Variants in MYPN observed in about 807,000 individuals in gnomAD.
MYPN encodes the protein sarcomeric protein myopalladin, 145 kDa (MYOP).
Under a neutral mutation model 129.4 loss-of-function variants are expected in MYPN, and 63 were observed. That is an observed-to-expected ratio of 0.49 (90% CI 0.40 to 0.60). MYPN has a LOEUF of 0.60. Ranked by LOEUF, MYPN falls within the 20% of genes least tolerant of loss-of-function variation. The pLI is 0.00. For synonymous variants in MYPN, 629 were observed against 600.9 expected (o/e 1.05, Z -0.68); for missense variants, 1,596 against 1,635.4 (o/e 0.98, Z 0.42).
At chr10:68,149,632 A>G (rs1179436430) in intron 5 of MYPN, among the ~76,000 whole-genome samples, 1 of 152,114 alleles carries the variant, frequency 6.6e-6, no homozygotes. Context: ...CAATGTATTT[A>G]AATATATTTA....
intron 1 of MYPN, among the ~76,000 whole-genome samples, chr10:68,089,511 T>C (rs1444649785): frequency 6.6e-6 from 1 of 151,806 alleles, no homozygotes; most frequent in African/African-American, 2.4e-5. Flanking sequence ...CCGGCTAATT[T>C]TGTTTTTGTA....
chr10:68,174,494 T>G lies in MYPN; in HGVS notation c.2402T>G (p.Ile801Ser), dbSNP rs2043195163. ...ACACCACCACCATTCACATTTTCCA[T>G]CCCCAGCGGAAACCAGTTTCAGCCC... ...EPTPPPFTFSIPSGNQFQPRC... is the reference protein window; with the variant it reads ...EPTPPPFTFSSPSGNQFQPRC... The change falls in exon 11 of 20, where the codon ATC becomes AGC. Residue 801 changes from isoleucine (I) to serine (S), a missense_variant. Transcript: ENST00000358913. The G allele has an allele frequency of 6.2e-7, 1 of 1,613,950 alleles. No individual in the cohort carries two copies. Among genetic ancestry groups the G allele is most frequent in the Non-Finnish European group, 8.5e-7 (1 of 1,179,928 alleles).
At chr10:68,141,579 G>A (rs1307249302) in intron 2 of MYPN, among the ~76,000 whole-genome samples, 1 of 152,086 alleles carries the variant, frequency 6.6e-6, no homozygotes, top group Non-Finnish European at 1.5e-5. Flanking sequence ...ATGTAAAAGG[G>A]TACACTGAGC....
chr10:68,119,767 A>G (rs2042215509), intron 1 of MYPN, among the ~76,000 whole-genome samples: 2 of 152,206 alleles, frequency 1.3e-5, no homozygotes, highest in Non-Finnish European at 2.9e-5. Context: ...TCATCCAAAT[A>G]AGTAGCTCTA....
At chr10:68,092,600 A>T (rs1564635664) in intron 1 of MYPN, among the ~76,000 whole-genome samples, 2 of 152,090 alleles carry the variant, frequency 1.3e-5, no homozygotes, top group African/African-American at 4.8e-5. Flanking sequence ...GTTCTTAAGG[A>T]TCGTCAAATT....
intron 8 of MYPN, among the ~76,000 whole-genome samples, chr10:68,163,667 T>C (rs2043012581): frequency 6.6e-6 from 1 of 152,038 alleles, no homozygotes; most frequent in Non-Finnish European, 1.5e-5. Context: ...AGAAATCCTG[T>C]CTATAGCAAC....
At chr10:68,178,975 T>TTTA (rs1393897512) in intron 12 of MYPN, among the ~76,000 whole-genome samples, 8 of 151,982 alleles carry the variant, frequency 5.3e-5, no homozygotes, top group Non-Finnish European at 1.0e-4. Context: ...CCCCCTGCTT[T>TTTA]TTATTATTAT....
intron 2 of MYPN, among the ~76,000 whole-genome samples, chr10:68,134,567 C>T (rs1057308851): frequency 1.3e-5 from 2 of 152,106 alleles, no homozygotes; most frequent in African/African-American, 4.8e-5. Flanking sequence ...GAGGCTGAGG[C>T]GGGTGGATCA....
chr10:68,186,200 A>T (rs2043418879), intron 12 of MYPN, among the ~76,000 whole-genome samples: 1 of 152,124 alleles, frequency 6.6e-6, no homozygotes, highest in African/African-American at 2.4e-5. Context: ...CACTTTTTCC[A>T]CCCTATAAGA....
rs148579176 is a variant in MYPN at position 68,159,826 on chromosome 10, T to A, written c.1459+1199T>A. On this transcript the variant is annotated intron_variant, in intron 7 of 19. Transcript: ENST00000358913. ...TTAGTTTTTCCATAATGAACATATATAACTTTTATTTTTTATTTTTTACAT... is the reference window on the plus strand; with the variant it reads ...TTAGTTTTTCCATAATGAACATATAAAACTTTTATTTTTTATTTTTTACAT... 2.4e-3 allele frequency among the ~76,000 whole-genome samples: 364 copies of A among 152,338 alleles called. 4 individuals carry two copies. The highest frequency in any genetic ancestry group is 8.5e-3 in the African/African-American group (352 of 41,564).
upstream of MYPN, among the ~76,000 whole-genome samples, chr10:68,101,805 C>T (rs901021056): frequency 1.3e-5 from 2 of 151,750 alleles, no homozygotes; most frequent in Non-Finnish European, 2.9e-5. Flanking sequence ...TGTTTCTGTT[C>T]CTGATTTCAA....
upstream of MYPN, among the ~76,000 whole-genome samples, chr10:68,105,564 A>C (rs1301896167): frequency 1.3e-5 from 2 of 152,238 alleles, no homozygotes; most frequent in Non-Finnish European, 2.9e-5. Flanking sequence ...CTTCTTGGAA[A>C]TAATACTTTT....
At chr10:68,102,375 G>A (rs1166668376), upstream of MYPN, among the ~76,000 whole-genome samples, 1 of 151,878 alleles carries the variant, frequency 6.6e-6, no homozygotes, top group South Asian at 2.1e-4. Context: ...GTCATCCACC[G>A]CCTCAGCTTC....
intron 1 of MYPN, among the ~76,000 whole-genome samples, chr10:68,111,428 A>T (rs2133964156): frequency 6.6e-6 from 1 of 152,046 alleles, no homozygotes; most frequent in East Asian, 2.0e-4. Context: ...TTTGACAAAG[A>T]TGTTGCTGGT....
At chr10:68,141,021 C>A (rs2042568251) in intron 2 of MYPN, among the ~76,000 whole-genome samples, 1 of 151,936 alleles carries the variant, frequency 6.6e-6, no homozygotes, top group Non-Finnish European at 1.5e-5. Flanking sequence ...TGGAGTGAAC[C>A]ATGATCATGC....
chr10:68,162,862 C>T (rs896751864), intron 8 of MYPN, among the ~76,000 whole-genome samples: 31 of 151,978 alleles, frequency 2.0e-4, no homozygotes, highest in African/African-American at 7.3e-4. Context: ...GCGGAGATCA[C>T]TGGTTGGTTA....
chr10:68,145,442 T>G lies in MYPN; in HGVS notation c.1079-33T>G, dbSNP rs768743133. On this transcript the variant is annotated intron_variant, in intron 3 of 19. Coordinates refer to ENST00000358913, the MANE Select transcript of MYPN (RefSeq NM_032578.4). Reference sequence around the variant, plus strand: ...GAACCAATTTAAGAAATTGTCATCTTAACAATCTTATGTCTTGTTTTTATT... The same window carrying G: ...GAACCAATTTAAGAAATTGTCATCTGAACAATCTTATGTCTTGTTTTTATT... 7.6e-6 allele frequency: 12 copies of G among 1,583,942 alleles called. No homozygotes were observed. The South Asian group carries it at 1.0e-4, about 13-fold the overall frequency.
At chr10:68,154,358 G>A (rs1389515811) in intron 6 of MYPN, among the ~76,000 whole-genome samples, 1 of 152,210 alleles carries the variant, frequency 6.6e-6, no homozygotes, top group Non-Finnish European at 1.5e-5. Flanking sequence ...TGCTTCAGCA[G>A]TAATTTGAAG....
At chr10:68,140,668 T>C (rs573967055) in intron 2 of MYPN, among the ~76,000 whole-genome samples, 2 of 152,254 alleles carry the variant, frequency 1.3e-5, no homozygotes, top group East Asian at 3.9e-4. Flanking sequence ...AGAAAAAACA[T>C]GGGCAGAGAC....
Sources: allele counts gnomAD v4.1 joint callset (sites outside exome capture counted in the v4.1 genomes callset), GRCh38; gene constraint gnomAD v4.1.1; transcripts MANE v1.5; gene names NCBI Gene and HGNC (gene_info 2026-07-23, HGNC 2026-07-21).